The following SPATA13 variants were observed in gnomAD, a reference collection of about 807,000 sequenced individuals.
SPATA13 encodes spermatogenesis associated 13, also known as spermatogenesis-associated protein 13.
SPATA13 carries 50 observed loss-of-function variants against 104.0 expected under a neutral mutation model. That is an observed-to-expected ratio of 0.48 (90% confidence interval 0.38 to 0.61). The LOEUF is 0.61. Ranked by LOEUF, SPATA13 falls within the 20% of genes least tolerant of loss-of-function variation. The probability of loss-of-function intolerance (pLI) is 0.00; values close to 1 mark genes in which losing one functional copy is unlikely to be tolerated. For missense variants in SPATA13, 1,524 were observed against 1,690.6 expected (o/e 0.90, Z 1.73); for synonymous variants, 606 against 667.5 (o/e 0.91, Z 1.42).
intron 3 of SPATA13, among the ~76,000 whole-genome samples, chr13:24,155,016 C>T (rs1042086142): frequency 2.0e-5 from 3 of 152,140 alleles, no homozygotes; most frequent in Non-Finnish European, 4.4e-5. Context: ...TGCCACCATG[C>T]CCAGCTGGTT....
intron 3 of SPATA13, among the ~76,000 whole-genome samples, chr13:24,042,519 C>T (rs1327005508): frequency 2.0e-5 from 3 of 152,208 alleles, no homozygotes; most frequent in Non-Finnish European, 4.4e-5. Context: ...CACAAGTGCA[C>T]GTCCACCACC....
chr13:24,249,919 C>G (rs1873389982), intron 3 of SPATA13, 77 bp downstream of exon 3: 2 of 1,503,544 alleles, frequency 1.3e-6, no homozygotes. Context: ...GCACACTAAA[C>G]TGGATCTGCT....
At chr13:24,085,932 A>T (rs1178269230) in intron 3 of SPATA13, among the ~76,000 whole-genome samples, 3 of 152,264 alleles carry the variant, frequency 2.0e-5, no homozygotes, top group Non-Finnish European at 2.9e-5. Context: ...GAAGGCAGAG[A>T]AGCCAGAGAG....
At chr13:24,100,907 C>T (rs1377812029) in intron 3 of SPATA13, among the ~76,000 whole-genome samples, 6 of 152,156 alleles carry the variant, frequency 3.9e-5, no homozygotes, top group East Asian at 1.9e-4. Flanking sequence ...TGCATTCATG[C>T]GTTCTCTTGA....
intron 3 of SPATA13, among the ~76,000 whole-genome samples, chr13:24,105,265 G>C (rs776580332): frequency 3.3e-5 from 5 of 152,212 alleles, no homozygotes; most frequent in African/African-American, 4.8e-5. Flanking sequence ...TGGGACTACA[G>C]GTGCACACCA....
At chr13:24,228,788 AGTT>A (rs1193037583) in intron 2 of SPATA13, among the ~76,000 whole-genome samples, 2 of 152,212 alleles carry the variant, frequency 1.3e-5, no homozygotes, top group Admixed American at 6.5e-5. Context: ...GAATATGAAA[AGTT>A]GTAATCAACA....
chr13:24,052,029 C>T (rs1878358978), intron 3 of SPATA13, among the ~76,000 whole-genome samples: 2 of 152,210 alleles, frequency 1.3e-5, no homozygotes, highest in South Asian at 2.1e-4. Flanking sequence ...GAAGCCCTAC[C>T]AGCTGGTGAG....
At chr13:24,196,992 A>G (rs1328254400) in intron 1 of SPATA13, among the ~76,000 whole-genome samples, 3 of 152,164 alleles carry the variant, frequency 2.0e-5, no homozygotes, top group African/African-American at 7.2e-5. Context: ...ATATACTGGA[A>G]AAGAGGAACT....
Position 24,127,612 on chromosome 13 carries a change from C to A in SPATA13, c.-111-95207C>A, listed in dbSNP as rs141999313. Reference sequence around the variant, plus strand: ...TGAGTCATTCAAGTTCAGTTTAGAGCCTTCCAGCCCATAGCTGGTAAGTTT... The same window carrying A: ...TGAGTCATTCAAGTTCAGTTTAGAGACTTCCAGCCCATAGCTGGTAAGTTT... On this transcript the variant is annotated intron_variant, in intron 3 of 14. Transcript: ENST00000424834. Among the ~76,000 whole-genome samples, 45 of 152,292 alleles carry A rather than the reference C, an allele frequency of 3.0e-4. No homozygotes were observed. In the East Asian group the frequency reaches 6.9e-3, roughly 24 times the overall value.
In SPATA13 at chr13:24,224,364, A is replaced by T; in HGVS notation, c.1435A>T (p.Ser479Cys). The part of the protein sequence containing the change: ...PKPQSPQSPQ[S>C]PGAGSASCHS... ...GCCCCAGAGCCCTCAGAGCCCCCAG[A>T]GCCCCGGGGCAGGAAGTGCCAGCTG... The change falls in exon 2 of 13, where the codon AGC becomes TGC. Residue 479 changes from serine (S) to cysteine (C), a missense_variant. Transcript: ENST00000382108. 1 of 1,551,332 alleles carries T rather than the reference A, an allele frequency of 6.4e-7. No homozygotes were observed. Among genetic ancestry groups the T allele is most frequent in the Non-Finnish European group, 8.7e-7 (1 of 1,146,698 alleles).
intron 2 of SPATA13, among the ~76,000 whole-genome samples, chr13:24,015,551 C>T (rs1348146010): frequency 6.6e-6 from 1 of 152,222 alleles, no homozygotes; most frequent in Non-Finnish European, 1.5e-5. Context: ...TGAGCTGAGT[C>T]AGGCCTGACC....
chr13:24,228,887 A>T (rs1233422504), intron 2 of SPATA13, among the ~76,000 whole-genome samples: 1 of 152,246 alleles, frequency 6.6e-6, no homozygotes, highest in East Asian at 1.9e-4. Flanking sequence ...TATTTATATC[A>T]TACTGTCCTA....
At chr13:24,015,935 C>T (rs375226717) in intron 2 of SPATA13, among the ~76,000 whole-genome samples, 9 of 152,326 alleles carry the variant, frequency 5.9e-5, no homozygotes, top group East Asian at 1.9e-4. Context: ...ATCAAAGACA[C>T]GCTTCTGTCC....
At chr13:24,037,640 C>T (rs9580833) in intron 3 of SPATA13, among the ~76,000 whole-genome samples, 1 of 152,014 alleles carries the variant, frequency 6.6e-6, no homozygotes, top group Non-Finnish European at 1.5e-5. Context: ...AATCTCCTGA[C>T]CTCGTGATCC....
At chr13:24,216,007 A>C (rs1222975482) in intron 1 of SPATA13, among the ~76,000 whole-genome samples, 1 of 152,206 alleles carries the variant, frequency 6.6e-6, no homozygotes, top group Non-Finnish European at 1.5e-5. Context: ...TGGACAGGCC[A>C]TGGCTGTAGG....
chr13:24,302,237 T>C (rs1026790378), intron 12 of SPATA13, among the ~76,000 whole-genome samples: 2 of 152,060 alleles, frequency 1.3e-5, no homozygotes, highest in African/African-American at 4.8e-5. Context: ...TACCTGAACA[T>C]AACAAGTGTA....
At chr13:24,185,452 G>A (rs1017787244) in intron 1 of SPATA13, among the ~76,000 whole-genome samples, 3 of 152,080 alleles carry the variant, frequency 2.0e-5, no homozygotes, top group African/African-American at 7.2e-5. Flanking sequence ...TTTTAAGAGG[G>A]CTGAAAGAAC....
chr13:24,005,250 T>C (rs1876169683), intron 2 of SPATA13, among the ~76,000 whole-genome samples: 1 of 152,240 alleles, frequency 6.6e-6, no homozygotes, highest in African/African-American at 2.4e-5. Context: ...GAAAACTGTT[T>C]TGATTCTTAA....
Position 24,239,417 on chromosome 13 carries a change from G to T in SPATA13, c.1654-10060G>T, listed in dbSNP as rs1460097516. Among the ~76,000 whole-genome samples, 3 of 152,240 alleles carry T rather than the reference G, an allele frequency of 2.0e-5. No homozygotes were observed. In the South Asian group the frequency reaches 6.2e-4, roughly 32 times the overall value. On this transcript the variant is annotated intron_variant, in intron 2 of 12. Transcript: ENST00000382108. ...TGTAAAGAAAGATAAACAACAGTCT[G>T]GGTATGGTGGCTCACACCTGTAATC...
Sources: allele counts gnomAD v4.1 joint callset (sites outside exome capture counted in the v4.1 genomes callset), GRCh38; gene constraint gnomAD v4.1.1; transcripts MANE v1.5; gene names NCBI Gene and HGNC (gene_info 2026-07-23, HGNC 2026-07-21).